Variants in IGSF11 observed in about 807,000 individuals in gnomAD.
IGSF11 encodes the protein immunoglobulin superfamily member 11.
Under a neutral mutation model 41.0 loss-of-function variants are expected in IGSF11, and 22 were observed. The observed-to-expected ratio is 0.54, with a 90% CI of 0.38 to 0.77. IGSF11 has a LOEUF of 0.77. Ranked by LOEUF, IGSF11 falls within the 30% of genes least tolerant of loss-of-function variation. IGSF11 has a pLI of 0.00. For missense variants in IGSF11, 444 were observed against 530.8 expected, an observed-to-expected ratio of 0.84 and a Z score of 1.61; for synonymous variants, 219 against 201.3, an observed-to-expected ratio of 1.09 and a Z score of -0.74.
chr3:118,912,318 C>T (rs760828957), intron 4 of IGSF11, among the ~76,000 whole-genome samples: 16 of 152,234 alleles, frequency 1.1e-4, no homozygotes, highest in South Asian at 4.1e-4. Flanking sequence ...TTATCTCCAT[C>T]CTTGGTTGCC....
intron 1 of IGSF11, chr3:118,983,432 C>T (rs1316435447): frequency 6.6e-6 from 1 of 152,012 alleles, no homozygotes; most frequent in Non-Finnish European, 1.5e-5. Context: ...GGACACTGGC[C>T]CTCAAATATG....
intron 1 of IGSF11, among the ~76,000 whole-genome samples, chr3:118,956,748 G>A (rs1348749864): frequency 6.6e-6 from 1 of 152,132 alleles, no homozygotes; most frequent in African/African-American, 2.4e-5. Context: ...ATAATAGACA[G>A]AGAATAATGA....
intron 1 of IGSF11, among the ~76,000 whole-genome samples, chr3:119,104,148 C>T (rs1334379948): frequency 6.6e-6 from 1 of 152,114 alleles, no homozygotes; most frequent in African/African-American, 2.4e-5. Flanking sequence ...CTCCTCAATC[C>T]ATTTTTGCCA....
At chr3:118,944,264 A>G (rs750960946) in intron 1 of IGSF11, among the ~76,000 whole-genome samples, 1 of 152,184 alleles carries the variant, frequency 6.6e-6, no homozygotes, top group Non-Finnish European at 1.5e-5. Context: ...GTAATATGGC[A>G]TCATCATTAG....
intron 4 of IGSF11, among the ~76,000 whole-genome samples, chr3:118,920,973 A>G (rs752298466): frequency 6.6e-6 from 1 of 152,106 alleles, no homozygotes; most frequent in Non-Finnish European, 1.5e-5. Flanking sequence ...GCCTGCCTCA[A>G]AGCCTTCATA....
chr3:119,104,582 T>A (rs1412947204), intron 1 of IGSF11, among the ~76,000 whole-genome samples: 1 of 152,188 alleles, frequency 6.6e-6, no homozygotes, highest in Admixed American at 6.6e-5. Context: ...GCCAATGAAG[T>A]GAGTGGTATT....
intron 1 of IGSF11, among the ~76,000 whole-genome samples, chr3:119,081,215 T>G (rs1307912042): frequency 6.6e-6 from 1 of 152,272 alleles, no homozygotes; most frequent in South Asian, 2.1e-4. Context: ...CTGTTTCTCT[T>G]TTGCTCATTT....
At chr3:118,916,935 A>C (rs1329606045) in intron 4 of IGSF11, among the ~76,000 whole-genome samples, 2 of 152,128 alleles carry the variant, frequency 1.3e-5, no homozygotes, top group African/African-American at 4.8e-5. Context: ...ATCAAACTAG[A>C]ACTCAGGATT....
chr3:119,061,056 A>G (rs1177385692), intron 1 of IGSF11, among the ~76,000 whole-genome samples: 1 of 152,192 alleles, frequency 6.6e-6, no homozygotes. Flanking sequence ...TGCTGTTTCT[A>G]TGGTAACACA....
chr3:118,935,606 G>A (rs1943211869), intron 1 of IGSF11, among the ~76,000 whole-genome samples: 1 of 151,800 alleles, frequency 6.6e-6, no homozygotes, highest in Non-Finnish European at 1.5e-5. Flanking sequence ...AGGCTTTGTG[G>A]AGAGAACTTT....
chr3:119,004,994 C>A (rs1456765317), intron 1 of IGSF11, among the ~76,000 whole-genome samples: 1 of 150,606 alleles, frequency 6.6e-6, no homozygotes, highest in Non-Finnish European at 1.5e-5. Flanking sequence ...TGGTGCAGAG[C>A]TGAGTTCAAT....
At chr3:118,944,961 G>C (rs1338693432) in intron 1 of IGSF11, 1 of 152,168 alleles carries the variant, frequency 6.6e-6, no homozygotes, top group African/African-American at 2.4e-5. Flanking sequence ...TCTGAGGAAT[G>C]CTGAAAAGAG....
chr3:119,067,320 A>T (rs1397559543), intron 1 of IGSF11, among the ~76,000 whole-genome samples: 1 of 151,322 alleles, frequency 6.6e-6, no homozygotes, highest in Non-Finnish European at 1.5e-5. Flanking sequence ...TCAGGCTCTC[A>T]TGAGCTTTCT....
Position 118,987,301 on chromosome 3 carries a change from T to G in IGSF11, c.52+47230A>C, listed in dbSNP as rs921189606. On this transcript the variant is annotated intron_variant, in intron 1 of 6. Transcript: ENST00000393775. ...GTTCATCCCAGAGGATGAGAACACC[T>G]CTCCTCCAGGAAATGGGTGAGGACA... Among the ~76,000 whole-genome samples the G allele has an allele frequency of 3.3e-5, 5 of 152,308 alleles. 1 individual carries two copies. The highest frequency in any genetic ancestry group is 1.9e-4 in the East Asian group (1 of 5,186).
rs1338521751 is a variant in IGSF11, at chr3:119,034,659, G to T, written c.-77C>A. On this transcript the variant is annotated 5_prime_UTR_variant, in exon 1 of 7. Transcript: ENST00000393775. ...AGGAGAGGAGCGGGCGTGAGTCTCC[G>T]CGCTCTTGGGGCAGCCTGGTCCTCC... 2.7e-6 allele frequency: 4 copies of T among 1,474,034 alleles called. No homozygotes were observed. The highest frequency in any genetic ancestry group is 3.6e-6 in the Non-Finnish European group (4 of 1,106,068). 91.3% of individuals were successfully genotyped at this position (1,474,034 alleles called of 1,614,324 possible).
intron 1 of IGSF11, among the ~76,000 whole-genome samples, chr3:119,014,371 C>G (rs1306334388): frequency 6.6e-6 from 1 of 152,146 alleles, no homozygotes; most frequent in Non-Finnish European, 1.5e-5. Context: ...CCCCATTGTA[C>G]CTAAACAACC....
chr3:119,073,985 G>T (rs2076449158), intron 1 of IGSF11, among the ~76,000 whole-genome samples: 1 of 152,190 alleles, frequency 6.6e-6, no homozygotes, highest in African/African-American at 2.4e-5. Context: ...AATATATATG[G>T]ACCCAACACT....
rs772718928 is a variant in IGSF11 at position 119,029,837 on chromosome 3, C to A, written c.52+4694G>T. Among the ~76,000 whole-genome samples, 7 of 152,294 alleles carry A rather than the reference C, an allele frequency of 4.6e-5. No homozygotes were observed. In the South Asian group the frequency reaches 1.2e-3, roughly 27 times the overall value. ...TTTAAGACCAGCCTACAAGTGGCCCCAATATATTAGAGTTACATTCACAAA... is the reference window on the plus strand; with the variant it reads ...TTTAAGACCAGCCTACAAGTGGCCCAAATATATTAGAGTTACATTCACAAA... On this transcript the variant is annotated intron_variant, in intron 1 of 6. Coordinates refer to ENST00000393775, the MANE Select transcript of IGSF11 (RefSeq NM_001015887.3).
chr3:119,074,000 C>T (rs2076449264), intron 1 of IGSF11, among the ~76,000 whole-genome samples: 1 of 152,204 alleles, frequency 6.6e-6, no homozygotes, highest in African/African-American at 2.4e-5. Context: ...AACACTGGAG[C>T]ACCCCGATTC....
Sources: gnomAD v4.1 joint callset for allele counts (sites outside exome capture counted in the v4.1 genomes callset) on GRCh38, gnomAD v4.1.1 for gene constraint, MANE v1.5 for transcripts, NCBI Gene and HGNC (gene_info 2026-07-23, HGNC 2026-07-21) for gene names.